Variants in BTBD9 observed in about 807,000 individuals in gnomAD.
The protein encoded by BTBD9 is BTB/POZ domain-containing protein 9.
A neutral mutation model predicts 64.3 loss-of-function variants in BTBD9; 49 were observed. That is an observed-to-expected ratio of 0.76 (90% CI 0.61 to 0.97). The LOEUF is 0.97. Among genes scored for constraint, BTBD9 ranks in the 50% least tolerant of loss-of-function variants. The pLI is 0.00. For synonymous variants in BTBD9, 260 were observed against 274.7 expected (o/e 0.95, Z 0.53); for missense variants, 598 against 762.1 (o/e 0.78, Z 2.53).
At chr6:38,638,673 AC>A (rs573728172) in intron 1 of BTBD9, among the ~76,000 whole-genome samples, 63 of 152,372 alleles carry the variant, frequency 4.1e-4, no homozygotes, top group African/African-American at 1.5e-3. Context: ...CAGTTATGAA[AC>A]AGAATCATAG....
intron 6 of BTBD9, among the ~76,000 whole-genome samples, chr6:38,386,630 C>CTTCTTTTTTTT (rs1766180667): frequency 1.1e-5 from 1 of 92,782 alleles, no homozygotes; most frequent in Non-Finnish European, 2.0e-5. Flanking sequence ...CCAGTTTACT[C>CTTCTTTTTTTT]TTTTTTTTTT....
At chr6:38,204,035 T>C (rs1320533329) in intron 9 of BTBD9, among the ~76,000 whole-genome samples, 2 of 152,136 alleles carry the variant, frequency 1.3e-5, no homozygotes, top group East Asian at 3.9e-4. Context: ...TAAAACACTA[T>C]GTATCAATAA....
chr6:38,433,807 G>A (rs1211090914), intron 6 of BTBD9, among the ~76,000 whole-genome samples: 1 of 151,814 alleles, frequency 6.6e-6, no homozygotes, highest in Non-Finnish European at 1.5e-5. Context: ...TTTATTTATT[G>A]TCTTCCCTTC....
In BTBD9 at chr6:38,600,212, C is replaced by T. The variant is rs191844736; in HGVS notation, c.-27-2091G>A. On this transcript the variant is annotated intron_variant, in intron 1 of 10. Coordinates refer to ENST00000481247, the MANE Select transcript of BTBD9 (RefSeq NM_001099272.2). ...AAAGCTTTGCAGGTTATACAATCTA[C>T]GTCAAATGATTCAGCTCTATGGTAG... is the stretch of plus-strand genomic sequence containing the variant. Among the ~76,000 whole-genome samples the T allele has an allele frequency of 7.2e-4, 110 of 152,250 alleles. No homozygotes were observed. The South Asian group carries it at 0.02, about 27-fold the overall frequency.
intron 6 of BTBD9, among the ~76,000 whole-genome samples, chr6:38,371,592 T>C (rs187450252): frequency 1.6e-3 from 244 of 152,318 alleles, no homozygotes; most frequent in Admixed American, 3.0e-3. Flanking sequence ...CATGATTCAT[T>C]AATGTCGGCC....
At chr6:38,452,772 T>G (rs575924682) in intron 6 of BTBD9, among the ~76,000 whole-genome samples, 3 of 152,228 alleles carry the variant, frequency 2.0e-5, no homozygotes, top group African/African-American at 7.2e-5. Context: ...TTACTATTAT[T>G]GAAAGTAAAA....
At chr6:38,401,806 G>A (rs1766938040) in intron 6 of BTBD9, among the ~76,000 whole-genome samples, 1 of 152,184 alleles carries the variant, frequency 6.6e-6, no homozygotes, top group Non-Finnish European at 1.5e-5. Context: ...ATTGTAAAAT[G>A]AAGACAAAAG....
intron 6 of BTBD9, among the ~76,000 whole-genome samples, chr6:38,367,898 T>C (rs999252808): frequency 6.7e-6 from 1 of 149,622 alleles, no homozygotes; most frequent in African/African-American, 2.5e-5. Context: ...CTCAATTCAC[T>C]GTAATAAACT....
In BTBD9 at chr6:38,182,522, C is replaced by T. The variant is rs1411016143; in HGVS notation, c.1642-7340G>A. 2.6e-5 allele frequency among the ~76,000 whole-genome samples: 4 copies of T among 152,212 alleles called. No individual in the cohort carries two copies. The East Asian group carries it at 7.7e-4, about 29-fold the overall frequency. On this transcript the variant is annotated intron_variant, in intron 10 of 10. Coordinates refer to ENST00000481247, the MANE Select transcript of BTBD9 (RefSeq NM_001099272.2). ...TGGCCTCACCAGGGCCCCCTTCCCACACCAGACAGGCACCAAGAGAGCCTA... is the reference window on the plus strand; with the variant it reads ...TGGCCTCACCAGGGCCCCCTTCCCATACCAGACAGGCACCAAGAGAGCCTA...
chr6:38,467,851 C>A (rs977125849), intron 6 of BTBD9, among the ~76,000 whole-genome samples: 9 of 152,164 alleles, frequency 5.9e-5, no homozygotes, highest in Admixed American at 1.3e-4. Flanking sequence ...GATTCTATTT[C>A]CAAAATGTCA....
Position 38,374,287 on chromosome 6 carries a change from ATATATATATGTATATATATG to A in BTBD9, c.1155-29214_1155-29195del, listed in dbSNP as rs1216166703. On this transcript the variant is annotated intron_variant, in intron 6 of 10. Transcript: ENST00000481247. ...TTGTGTCGAAAAAAAAAAAAAGTAT[ATATATATATGTATATATATG>A]TATATATATATATATATATGTATAT... Among the ~76,000 whole-genome samples the A allele has an allele frequency of 9.5e-4, 66 of 69,222 alleles. 7 individuals carry two copies. Among genetic ancestry groups the A allele is most frequent in the African/African-American group, 6.5e-3 (52 of 8,012 alleles). 45.4% of individuals were successfully genotyped at this position (69,222 alleles called of 152,430 possible). A position where few individuals can be genotyped will look rare whatever the true frequency, so the allele number is the denominator to read the frequency against.
chr6:38,193,449 G>A (rs1561855859), intron 9 of BTBD9, among the ~76,000 whole-genome samples: 1 of 152,110 alleles, frequency 6.6e-6, no homozygotes, highest in Non-Finnish European at 1.5e-5. Context: ...CTTAAGACTG[G>A]CCTGACTCTG....
intron 6 of BTBD9, among the ~76,000 whole-genome samples, chr6:38,561,972 C>T (rs1407717812): frequency 2.6e-5 from 4 of 152,118 alleles, no homozygotes; most frequent in Non-Finnish European, 5.9e-5. Context: ...CATGCAAGTG[C>T]ACCTAGTACT....
intron 7 of BTBD9, among the ~76,000 whole-genome samples, chr6:38,340,669 G>A (rs755466686): frequency 2.6e-5 from 4 of 152,126 alleles, no homozygotes; most frequent in Non-Finnish European, 4.4e-5. Flanking sequence ...TTTCCTGAGC[G>A]AATTGTATCT....
chr6:38,307,679 C>G (rs1264231256), intron 7 of BTBD9, among the ~76,000 whole-genome samples: 1 of 152,162 alleles, frequency 6.6e-6, no homozygotes, highest in Non-Finnish European at 1.5e-5. Context: ...CTTTCCTGTT[C>G]TAGCTCCAAT....
At chr6:38,377,156 G>A (rs1044666957) in intron 6 of BTBD9, among the ~76,000 whole-genome samples, 2 of 152,156 alleles carry the variant, frequency 1.3e-5, no homozygotes, top group Non-Finnish European at 1.5e-5. Flanking sequence ...GCTACCAGTC[G>A]ATTTTGATTT....
chr6:38,345,827 C>T (rs1036112087), intron 6 of BTBD9, among the ~76,000 whole-genome samples: 1 of 152,190 alleles, frequency 6.6e-6, no homozygotes, highest in Non-Finnish European at 1.5e-5. Context: ...TGTTCATCCT[C>T]TTTAACTCCC....
chr6:38,218,556 T>C (rs1447394238), intron 9 of BTBD9, among the ~76,000 whole-genome samples: 3 of 152,226 alleles, frequency 2.0e-5, no homozygotes, highest in Non-Finnish European at 4.4e-5. Context: ...TGACTTTCAC[T>C]CATTTCTACT....
intron 10 of BTBD9, among the ~76,000 whole-genome samples, chr6:38,179,066 T>G (rs1377342386): frequency 1.3e-5 from 2 of 152,140 alleles, no homozygotes. Flanking sequence ...TTGGCCAGGA[T>G]GGTCTTGATC....
Sources: allele counts gnomAD v4.1 joint callset (sites outside exome capture counted in the v4.1 genomes callset), GRCh38; gene constraint gnomAD v4.1.1; transcripts MANE v1.5; gene names NCBI Gene and HGNC (gene_info 2026-07-23, HGNC 2026-07-21).